Variants in ATP2B2 observed in about 807,000 individuals in gnomAD.
ATP2B2 encodes plasma membrane calcium-transporting ATPase 2.
In ATP2B2, 15 loss-of-function variants were observed where a neutral mutation model predicts 120.0. That is an observed-to-expected ratio of 0.12 (90% CI 0.08 to 0.19). ATP2B2 has a LOEUF of 0.19. Among genes scored for constraint, ATP2B2 ranks in the 10% least tolerant of loss-of-function variants. The pLI is 1.00. For missense variants in ATP2B2, 1,045 were observed against 1,719.8 expected (o/e 0.61, Z 6.94); for synonymous variants, 694 against 700.3 (o/e 0.99, Z 0.14).
chr3:10,606,177 A>T (rs1306302217), intron 2 of ATP2B2, among the ~76,000 whole-genome samples: 1 of 152,124 alleles, frequency 6.6e-6, no homozygotes, highest in African/African-American at 2.4e-5. Flanking sequence ...TTTCCAGTGG[A>T]GGAGTTCAGT....
chr3:10,546,978 G>T (rs2067561013), intron 2 of ATP2B2, among the ~76,000 whole-genome samples: 1 of 152,216 alleles, frequency 6.6e-6, no homozygotes, highest in South Asian at 2.1e-4. Context: ...GCTCAGTTCT[G>T]CTGTGCCATC....
chr3:10,376,304 G>A (rs567185168), intron 10 of ATP2B2, among the ~76,000 whole-genome samples: 1 of 152,308 alleles, frequency 6.6e-6, no homozygotes, highest in African/African-American at 2.4e-5. Flanking sequence ...GGGGGACAGG[G>A]GTAGGGAGTG....
rs76606389 is a variant in ATP2B2 at position 10,331,823 on chromosome 3, A to G, written c.3421-2698T>C. 9.3e-3 allele frequency: 5,638 copies of G among 607,074 alleles called. 236 individuals are homozygous for G. The highest frequency in any genetic ancestry group is 0.089 in the African/African-American group (4,888 of 54,722). 37.6% of individuals were successfully genotyped at this position (607,074 alleles called of 1,614,324 possible). ...TTTTGGTTTCGTCAGCACAAAGGGAACAGGGAGACCCATGCCCGTTGTCAG... is the reference window on the plus strand; with the variant it reads ...TTTTGGTTTCGTCAGCACAAAGGGAGCAGGGAGACCCATGCCCGTTGTCAG... On this transcript the variant is annotated intron_variant, in intron 22 of 22. Coordinates refer to ENST00000360273, the MANE Select transcript of ATP2B2 (RefSeq NM_001001331.4).
At chr3:10,434,744 G>A (rs1477289876) in intron 2 of ATP2B2, among the ~76,000 whole-genome samples, 1 of 152,244 alleles carries the variant, frequency 6.6e-6, no homozygotes, top group African/African-American at 2.4e-5. Flanking sequence ...CCTGGGTCTG[G>A]GACTTTTGAT....
At position 10,386,579 on chromosome 3, in the gene ATP2B2, G is replaced by A. The variant is rs56186887; in HGVS notation, c.908-67C>T. The A allele has an allele frequency of 5.4e-3, 8,391 of 1,540,394 alleles. 303 individuals are homozygous for A. In the African/African-American group the frequency reaches 0.085, roughly 16 times the overall value. ...CACAGCCTCATCTGCCCATGCGCAC[G>A]CGCACACACACAAACACACATGTGC... On this transcript the variant is annotated intron_variant, in intron 6 of 22. Transcript: ENST00000360273.
intron 2 of ATP2B2, among the ~76,000 whole-genome samples, chr3:10,447,726 AC>A (rs1392254002): frequency 6.6e-6 from 1 of 152,176 alleles, no homozygotes; most frequent in Non-Finnish European, 1.5e-5. Flanking sequence ...AGAAGCTGGG[AC>A]CCAGAAGTCT....
chr3:10,476,350 C>G (rs2065202069), intron 1 of ATP2B2, among the ~76,000 whole-genome samples: 1 of 152,206 alleles, frequency 6.6e-6, no homozygotes, highest in Non-Finnish European at 1.5e-5. Flanking sequence ...CCCTGAAGCC[C>G]TCACCCCACA....
At chr3:10,444,980 G>C (rs765281798) in intron 2 of ATP2B2, among the ~76,000 whole-genome samples, 1 of 152,236 alleles carries the variant, frequency 6.6e-6, no homozygotes, top group Non-Finnish European at 1.5e-5. Flanking sequence ...CAGAGCTCCT[G>C]CCTCTAGGCC....
At chr3:10,360,437 G>A (rs1166751701) in intron 12 of ATP2B2, among the ~76,000 whole-genome samples, 1 of 152,178 alleles carries the variant, frequency 6.6e-6, no homozygotes, top group Non-Finnish European at 1.5e-5. Flanking sequence ...ACATTATGCC[G>A]TACTTGCCTC....
intron 2 of ATP2B2, among the ~76,000 whole-genome samples, chr3:10,539,345 C>G (rs902254273): frequency 2.2e-4 from 33 of 152,190 alleles, no homozygotes; most frequent in Admixed American, 1.6e-3. Flanking sequence ...CTACCAATGA[C>G]TTTCTTCACA....
At chr3:10,331,728 C>T (rs1318458793) in intron 22 of ATP2B2, among the ~76,000 whole-genome samples, 3 of 136,904 alleles carry the variant, frequency 2.2e-5, no homozygotes, top group Non-Finnish European at 4.6e-5. Context: ...TTTTTTTTGG[C>T]ATAAGCTGCA....
chr3:10,336,356 ATGAC>A, intron 22 of ATP2B2: 1 of 1,515,162 alleles, frequency 6.6e-7, no homozygotes, highest in Non-Finnish European at 8.9e-7. Flanking sequence ...CAACGGCTAC[ATGAC>A]TGACAGGGCA....
intron 12 of ATP2B2, among the ~76,000 whole-genome samples, chr3:10,368,699 C>T (rs1259472649): frequency 6.6e-6 from 1 of 151,682 alleles, no homozygotes; most frequent in African/African-American, 2.4e-5. Flanking sequence ...ATCCATCTGT[C>T]CATCCACCCA....
chr3:10,346,378 C>T lies in ATP2B2; in HGVS notation c.2405-241G>A, dbSNP rs530127026. ...CCCCTGTGGCCCGGGCCCTGCTCACCTCTCCAGCCCCCTCTTTGCTGTCTG... is the reference window on the plus strand; with the variant it reads ...CCCCTGTGGCCCGGGCCCTGCTCACTTCTCCAGCCCCCTCTTTGCTGTCTG... On this transcript the variant is annotated intron_variant, in intron 16 of 22. Coordinates refer to ENST00000360273, the MANE Select transcript of ATP2B2 (RefSeq NM_001001331.4). This position sits in a 1 kb window ranked among gnomAD's most constrained non-coding sequence, Gnocchi z 4.1. Among the ~76,000 whole-genome samples the T allele has an allele frequency of 1.3e-5, 2 of 152,382 alleles. No homozygotes were observed. Among genetic ancestry groups the T allele is most frequent in the South Asian group, 4.1e-4 (2 of 4,834 alleles).
chr3:10,486,857 C>T (rs554568664), intron 1 of ATP2B2, among the ~76,000 whole-genome samples: 24 of 152,098 alleles, frequency 1.6e-4, no homozygotes, highest in Middle Eastern at 3.4e-3. Context: ...GTAGCTGGGA[C>T]TACAGGTGCG....
chr3:10,343,255 C>T lies in ATP2B2; in HGVS notation c.2704-290G>A, dbSNP rs1349638299. On this transcript the variant is annotated intron_variant, in intron 18 of 22. Coordinates refer to ENST00000360273, the MANE Select transcript of ATP2B2 (RefSeq NM_001001331.4). This position sits in a 1 kb window ranked among gnomAD's most constrained non-coding sequence, Gnocchi z 4.2. ...AATTCAGCTGCATCTCACCATCTTC[C>T]CCTCTCCCCTCCAGCCCCCGAGGAG... Among the ~76,000 whole-genome samples the T allele has an allele frequency of 6.6e-6, 1 of 152,088 alleles. No homozygotes were observed. Among genetic ancestry groups the T allele is most frequent in the Non-Finnish European group, 1.5e-5 (1 of 68,002 alleles).
chr3:10,569,375 G>A (rs2068075562), intron 2 of ATP2B2, among the ~76,000 whole-genome samples: 1 of 152,196 alleles, frequency 6.6e-6, no homozygotes. Flanking sequence ...TTGGGAAGGT[G>A]AAGTGACTTG....
chr3:10,350,623 A>C (rs2125411610), intron 14 of ATP2B2, 46 bp from the exon 15 acceptor site: 1 of 1,590,612 alleles, frequency 6.3e-7, no homozygotes, highest in Non-Finnish European at 8.6e-7. Flanking sequence ...CACCTCAGGC[A>C]GACTCCCCCT....
chr3:10,616,545 C>A lies in ATP2B2; in HGVS notation c.-415+3372G>T, dbSNP rs1451638720. On this transcript the variant is annotated intron_variant, in intron 2 of 21. Transcript: ENST00000646379. ...CTCAAAGCCAGCTCCCTCAGAACTGCAGCTCCAGGGACAGAAGGAAGACTA... is the reference window on the plus strand; with the variant it reads ...CTCAAAGCCAGCTCCCTCAGAACTGAAGCTCCAGGGACAGAAGGAAGACTA... Among the ~76,000 whole-genome samples, 5 of 152,220 alleles carry A rather than the reference C, an allele frequency of 3.3e-5. No individual in the cohort carries two copies. The East Asian group carries it at 9.6e-4, about 29-fold the overall frequency.
Sources: gnomAD v4.1 joint callset for allele counts (sites outside exome capture counted in the v4.1 genomes callset) on GRCh38, gnomAD v4.1.1 for gene constraint, Gnocchi (gnomAD v3.1) non-coding constraint, MANE v1.5 for transcripts, NCBI Gene and HGNC (gene_info 2026-07-23, HGNC 2026-07-21) for gene names.